The following ZNFX1 variants were observed in gnomAD, a reference collection of about 807,000 sequenced individuals.
The protein encoded by ZNFX1 is zinc finger NFX1-type containing 1.
In ZNFX1, 78 loss-of-function variants were observed where a neutral mutation model predicts 179.8. The observed-to-expected ratio is 0.43, with a 90% CI of 0.36 to 0.52. The LOEUF is 0.52. Among genes scored for constraint, ZNFX1 ranks in the 20% least tolerant of loss-of-function variants. The pLI is 0.00. For synonymous variants in ZNFX1, 848 were observed against 868.5 expected (o/e 0.98, Z 0.42); for missense variants, 1,927 against 2,386.6 (o/e 0.81, Z 4.01).
chr20:49,253,818 T>G lies in ZNFX1; in HGVS notation c.2960-7A>C. ...TGGCGGTATTTGGCAGCACCTCAAG[T>G]GAGGAAAGAAGAGAAAGGCTCCTCT... On this transcript the variant is annotated splice_polypyrimidine_tract_variant and splice_region_variant and intron_variant, in intron 10 of 13. Transcript: ENST00000396105. 2 of 1,613,750 alleles carry G rather than the reference T, an allele frequency of 1.2e-6. No individual in the cohort carries two copies. The highest frequency in any genetic ancestry group is 1.3e-5 in the African/African-American group (1 of 74,994).
At position 49,255,881 on chromosome 20, in the gene ZNFX1, T is replaced by C. The variant is rs375284847; in HGVS notation, c.2731A>G (p.Met911Val). The C allele has an allele frequency of 3.9e-5, 63 of 1,614,090 alleles. No homozygotes were observed. Among genetic ancestry groups the C allele is most frequent in the Non-Finnish European group, 5.2e-5 (61 of 1,180,044 alleles). The change falls in exon 9 of 14, where the codon ATG becomes GTG. Residue 911 changes from methionine to valine, a missense_variant. Transcript: ENST00000396105. ...VKDELRKLNT[M>V]TAAEANEIED... Reference sequence around the variant, plus strand: ...ATCTCGTTGGCCTCGGCTGCAGTCATGGTGTTCAGTTTGCGAAGCTCATCC... The same window carrying C: ...ATCTCGTTGGCCTCGGCTGCAGTCACGGTGTTCAGTTTGCGAAGCTCATCC...
chr20:49,256,782 T>C (rs1255507326), intron 8 of ZNFX1, among the ~76,000 whole-genome samples: 1 of 152,238 alleles, frequency 6.6e-6, no homozygotes, highest in Non-Finnish European at 1.5e-5. Context: ...AGATGAAAAC[T>C]GCATCCAAAG....
chr20:49,251,846 T>C (rs1437186534), intron 12 of ZNFX1, among the ~76,000 whole-genome samples: 9 of 150,530 alleles, frequency 6.0e-5, no homozygotes, highest in Admixed American at 2.6e-4. Context: ...TTCTTTCTTT[T>C]TTTTTTTTTT....
Position 49,246,708 on chromosome 20 carries a change from G to T in ZNFX1, c.*559C>A, listed in dbSNP as rs572031577. On this transcript the variant is annotated 3_prime_UTR_variant, in exon 14 of 14. Transcript: ENST00000396105. ...GGTGGAAGCCCCAAACATGTTCCAG[G>T]GAGTCTGTCCACTAATTTGCAGGAG... 5.2e-6 allele frequency: 2 copies of T among 381,034 alleles called. No homozygotes were observed. The highest frequency in any genetic ancestry group is 4.2e-5 in the African/African-American group (2 of 47,144). 23.6% of individuals were successfully genotyped at this position (381,034 alleles called of 1,614,324 possible).
At position 49,270,906 on chromosome 20, in the gene ZNFX1, A is replaced by C; in HGVS notation, c.906T>G (p.Ile302Met). The C allele has an allele frequency of 6.2e-7, 1 of 1,614,096 alleles. No individual in the cohort carries two copies. The highest frequency in any genetic ancestry group is 8.5e-7 in the Non-Finnish European group (1 of 1,180,024). ...CTCGCCTCTTTTCCTGCAGATGTTC[A>C]ATGATAGTCTGTACCTTTTCCAGGT... ...EKNLEKVQTI[I>M]EHLQEKRREG... The change falls in exon 3 of 14, where the codon ATT (isoleucine) becomes ATG (methionine). Residue 302 changes from isoleucine (I) to methionine (M), a missense_variant. By Grantham distance (10) the Ile-to-Met change is conservative. Coordinates refer to ENST00000396105, the MANE Select transcript of ZNFX1 (RefSeq NM_021035.3). The surrounding 1 kb of genome is among the most constrained non-coding windows in gnomAD (Gnocchi z 4.6).
intron 10 of ZNFX1, among the ~76,000 whole-genome samples, chr20:49,254,268 C>T (rs890519525): frequency 2.0e-5 from 3 of 152,160 alleles, no homozygotes; most frequent in Non-Finnish European, 4.4e-5. Flanking sequence ...CTCAGGTGAT[C>T]CACCTGCCTT....
chr20:49,247,503 A>C lies in ZNFX1; in HGVS notation c.5521T>G (p.Tyr1841Asp). The C allele has an allele frequency of 6.2e-7, 1 of 1,614,184 alleles. No homozygotes were observed. The highest frequency in any genetic ancestry group is 1.1e-5 in the South Asian group (1 of 91,086). The change falls in exon 14 of 14, where the codon TAT (tyrosine) becomes GAT (aspartate). Residue 1841 changes from tyrosine to aspartate, a missense_variant. By Grantham distance (160) the Tyr-to-Asp change is radical (BLOSUM62 -3). Coordinates refer to ENST00000396105, the MANE Select transcript of ZNFX1 (RefSeq NM_021035.3). ...CACTTGAACCAGTGACCACGAGGATAACCTATGGCACTGACAATCTGCACT... is the reference window on the plus strand; with the variant it reads ...CACTTGAACCAGTGACCACGAGGATCACCTATGGCACTGACAATCTGCACT... ...ERVQIVSAIG[Y>D]PRGHWFKCRN... is the part of the protein sequence containing the mutation.
chr20:49,261,017 G>T (rs989920828), intron 6 of ZNFX1, among the ~76,000 whole-genome samples: 2 of 152,230 alleles, frequency 1.3e-5, no homozygotes, highest in Non-Finnish European at 2.9e-5. Context: ...GGAGGCAGAG[G>T]TTGCAGTGAG....
Position 49,249,696 on chromosome 20 carries a change from G to T in ZNFX1, c.3328C>A (p.Leu1110Ile), listed in dbSNP as rs1351935108. 6.2e-7 allele frequency: 1 copy of T among 1,610,928 alleles called. No homozygotes were observed. The highest frequency in any genetic ancestry group is 1.3e-5 in the African/African-American group (1 of 74,856). The change falls in exon 14 of 14, where the codon CTT becomes ATT. Residue 1110 changes from leucine (L) to isoleucine (I), a missense_variant. Leu to Ile is a conservative substitution (Grantham distance 5). Transcript: ENST00000396105. ...GGAAAGTTGTGTTCTACAAAGAAAA[G>T]GTTGGAAGACACCCCCTGACAGGGA... ...YEKIKGVSSN[L>I]FFVEHNFPEQ...
Position 49,248,958 on chromosome 20 carries a change from C to CGCACCGAGGAATGGTTTTGG in ZNFX1, c.4046_4065dup (p.Gly1356ProfsTer32), listed in dbSNP as rs1980758892. On this transcript the variant is annotated frameshift_variant, in exon 14 of 14. Transcript: ENST00000396105. LOFTEE classifies it high-confidence loss of function. The surrounding 1 kb of genome is among the most constrained non-coding windows in gnomAD (Gnocchi z 4.6). ...GAACAAGGGACCATTTGTTCATGGCCGCACCGAGGAATGGTTTTGGGCACC... is the reference window on the plus strand; with the variant it reads ...GAACAAGGGACCATTTGTTCATGGCCGCACCGAGGAATGGTTTTGGGCACCGAGGAATGGTTTTGGGCACC... 1 of 1,614,200 alleles carries CGCACCGAGGAATGGTTTTGG rather than the reference C, an allele frequency of 6.2e-7. No homozygotes were observed. Among genetic ancestry groups the CGCACCGAGGAATGGTTTTGG allele is most frequent in the Non-Finnish European group, 8.5e-7 (1 of 1,180,030 alleles).
intron 2 of ZNFX1, among the ~76,000 whole-genome samples, chr20:49,273,755 C>T (rs1450573869): frequency 6.6e-6 from 1 of 152,076 alleles, no homozygotes; most frequent in Admixed American, 6.6e-5. Context: ...CATGGAGAAA[C>T]CCTGTCTCTA....
At position 49,271,367 on chromosome 20, in the gene ZNFX1, A is replaced by C. The variant is rs1157681397; in HGVS notation, c.445T>G (p.Leu149Val). ...QQAKKLGYKF[L>V]ESLLQKDPSE... is the part of the protein sequence containing the mutation. ...GGGTCTTTCTGCAGAAGACTTTCTA[A>C]GAACTTGTAGCCCAGTTTCTTCGCC... Residue 149 changes from leucine to valine, a missense_variant, in exon 3 of 14, where the codon TTA becomes GTA. Transcript: ENST00000396105. The C allele has an allele frequency of 1.2e-6, 2 of 1,614,194 alleles. No homozygotes were observed. Among genetic ancestry groups the C allele is most frequent in the African/African-American group, 1.3e-5 (1 of 75,048 alleles).
At position 49,255,860 on chromosome 20, in the gene ZNFX1, C is replaced by T. The variant is rs762520628; in HGVS notation, c.2752G>A (p.Glu918Lys). Residue 918 changes from glutamate (E) to lysine (K), a missense_variant, in exon 9 of 14, where the codon GAG becomes AAG. Glu to Lys is a moderately conservative substitution (Grantham distance 56). Coordinates refer to ENST00000396105, the MANE Select transcript of ZNFX1 (RefSeq NM_021035.3). Reference sequence around the variant, plus strand: ...TCCAGCTGCCAAACATCCTCGATCTCGTTGGCCTCGGCTGCAGTCATGGTG... The same window carrying T: ...TCCAGCTGCCAAACATCCTCGATCTTGTTGGCCTCGGCTGCAGTCATGGTG... Reference protein sequence around the residue: ...LNTMTAAEANEIEDVWQLDLS... With the variant: ...LNTMTAAEANKIEDVWQLDLS... The T allele has an allele frequency of 2.5e-6, 4 of 1,614,154 alleles. No individual in the cohort carries two copies. In the South Asian group the frequency reaches 3.3e-5, roughly 13 times the overall value.
In ZNFX1 at chr20:49,264,844, T is replaced by C. The variant is rs777623653; in HGVS notation, c.2023A>G (p.Thr675Ala). ...CTTCCACCCACCCGCACAATGCTGG[T>C]CTTCTGACAATTGTAGATGCCTGTG... ...FLEGIYNCQK[T>A]SIVRVGGRSN... The change falls in exon 5 of 14, where the codon ACC becomes GCC. Residue 675 changes from threonine (T) to alanine (A), a missense_variant. Transcript: ENST00000396105. 1 of 1,614,182 alleles carries C rather than the reference T, an allele frequency of 6.2e-7. No individual in the cohort carries two copies. The highest frequency in any genetic ancestry group is 8.5e-7 in the Non-Finnish European group (1 of 1,180,038).
At chr20:49,269,678 C>T (rs892554557) in intron 3 of ZNFX1, among the ~76,000 whole-genome samples, 3 of 152,142 alleles carry the variant, frequency 2.0e-5, no homozygotes, top group Non-Finnish European at 4.4e-5. Flanking sequence ...AAGACTCTGT[C>T]TCCAAAAACA....
At chr20:49,257,830 T>C (rs1312677427) in intron 7 of ZNFX1, among the ~76,000 whole-genome samples, 166 bp from the exon 8 acceptor site, 1 of 151,018 alleles carries the variant, frequency 6.6e-6, no homozygotes, top group Non-Finnish European at 1.5e-5. Context: ...GCCTCCTGAG[T>C]AGCTGGGATT....
chr20:49,271,527 T>C lies in ZNFX1; in HGVS notation c.285A>G (p.Gln95=), dbSNP rs772291997. 2 of 1,614,138 alleles carry C rather than the reference T, an allele frequency of 1.2e-6. No individual in the cohort carries two copies. Among genetic ancestry groups the C allele is most frequent in the Non-Finnish European group, 1.7e-6 (2 of 1,180,002 alleles). ...EGHASDEARD[Q]RHDQENDTRW... is the part of the protein sequence containing the mutation. ...TGGTGTCATTCTCCTGGTCATGTCT[T>C]TGGTCTCTAGCTTCGTCGCTGGCAT... Residue 95 remains glutamine (Q), a synonymous_variant, in exon 3 of 14, where the codon CAA becomes CAG. Coordinates refer to ENST00000396105, the MANE Select transcript of ZNFX1 (RefSeq NM_021035.3).
In ZNFX1 at chr20:49,260,582, G is replaced by T; in HGVS notation, c.2302-5C>A. ...GAAGCAAATCCATTCACTATCCTAA[G>T]GAAAGAAGAATGATCATTTGTGAGG... On this transcript the variant is annotated splice_region_variant and splice_polypyrimidine_tract_variant and intron_variant, in intron 6 of 13. Transcript: ENST00000396105. 6.3e-7 allele frequency: 1 copy of T among 1,589,560 alleles called. No homozygotes were observed.
At chr20:49,273,722 G>C (rs1981483062) in intron 2 of ZNFX1, among the ~76,000 whole-genome samples, 1 of 152,142 alleles carries the variant, frequency 6.6e-6, no homozygotes, top group African/African-American at 2.4e-5. Flanking sequence ...TTGAGCTCAG[G>C]AGTTTCAGAC....
Sources: gnomAD v4.1 joint callset for allele counts (sites outside exome capture counted in the v4.1 genomes callset) on GRCh38, gnomAD v4.1.1 for gene constraint, Gnocchi (gnomAD v3.1) non-coding constraint, MANE v1.5 for transcripts, NCBI Gene and HGNC (gene_info 2026-07-23, HGNC 2026-07-21) for gene names.